ARHGEF1: variants seen among roughly 807,000 people sequenced by gnomAD.
ARHGEF1 encodes 115 kDa guanine nucleotide exchange factor.
A neutral mutation model predicts 119.7 loss-of-function variants in ARHGEF1; 40 were observed. The observed-to-expected ratio is 0.33, with a 90% CI of 0.26 to 0.44. The LOEUF (loss-of-function observed/expected upper bound fraction) is 0.44, where lower values mean the gene tolerates loss of function less well. ARHGEF1 is among the 20% of genes least tolerant of loss of function. The pLI is 1.00. For synonymous variants in ARHGEF1, 494 were observed against 521.0 expected, an observed-to-expected ratio of 0.95 and a Z score of 0.71; for missense variants, 976 against 1,268.3, an observed-to-expected ratio of 0.77 and a Z score of 3.50.
At chr19:41,924,828 C>T (rs1030618515) in intron 1 of ARHGEF1, among the ~76,000 whole-genome samples, 6 of 152,014 alleles carry the variant, frequency 3.9e-5, no homozygotes, top group East Asian at 3.9e-4. Flanking sequence ...GAAAGGGGAC[C>T]GGTGTTTCTG....
chr19:41,918,498 TCACACACACAC>T (rs1568834350), upstream of ARHGEF1, among the ~76,000 whole-genome samples: 2 of 101,922 alleles, frequency 2.0e-5, no homozygotes, highest in Non-Finnish European at 4.1e-5. Flanking sequence ...CACACACACA[TCACACACACAC>T]CACACACATC....
rs2074389151 is a variant in ARHGEF1 at position 41,892,286 on chromosome 19, A to G, written c.325-45A>G. Reference sequence around the variant, plus strand: ...TGGCAGTCCTCCCGGCCTGCATCTCAGCACACCAAGTCCTCCTCTTCACCC... The same window carrying G: ...TGGCAGTCCTCCCGGCCTGCATCTCGGCACACCAAGTCCTCCTCTTCACCC... On this transcript the variant is annotated intron_variant, in intron 5 of 28. Transcript: ENST00000354532. The surrounding 1 kb of genome is among the most constrained non-coding windows in gnomAD (Gnocchi z 6.3). 5 of 1,611,950 alleles carry G rather than the reference A, an allele frequency of 3.1e-6. No homozygotes were observed. The highest frequency in any genetic ancestry group is 1.3e-5 in the African/African-American group (1 of 75,002).
intron 11 of ARHGEF1, 137 bp downstream of exon 11, chr19:41,894,798 C>T (rs2074451368): frequency 9.7e-7 from 1 of 1,030,836 alleles, no homozygotes; most frequent in Non-Finnish European, 1.4e-6. Flanking sequence ...GGGGCCTGGA[C>T]ACCTGGGTCT....
intron 1 of ARHGEF1, chr19:41,928,267 G>A (rs1273533315): frequency 2.0e-5 from 3 of 152,522 alleles, no homozygotes; most frequent in Non-Finnish European, 4.4e-5. Flanking sequence ...CAAGGAGACA[G>A]AGACGGGGAG....
chr19:41,890,660 A>G (rs2074362646), intron 4 of ARHGEF1: 1 of 151,414 alleles, frequency 6.6e-6, no homozygotes, highest in African/African-American at 2.4e-5. Context: ...CACACCTGTA[A>G]TTCCAGCTAC....
At chr19:41,918,314 ACAC>A (rs1343485649), upstream of ARHGEF1, among the ~76,000 whole-genome samples, 3 of 151,470 alleles carry the variant, frequency 2.0e-5, no homozygotes, top group Non-Finnish European at 2.9e-5. Context: ...CTAGCCCCAC[ACAC>A]CACATACACA....
downstream of ARHGEF1, among the ~76,000 whole-genome samples, chr19:41,911,437 T>G (rs2145883258): frequency 6.6e-6 from 1 of 152,314 alleles, no homozygotes; most frequent in East Asian, 1.9e-4. Flanking sequence ...AGCATCGCCG[T>G]GTCCACTTGC....
At chr19:41,909,743 A>T, downstream of ARHGEF1, 3 of 1,143,716 alleles carry the variant, frequency 2.6e-6, no homozygotes, top group Admixed American at 2.8e-5. This position sits in a 1 kb window ranked among gnomAD's most constrained non-coding sequence, Gnocchi z 5.2. Context: ...GTGGCTACTC[A>T]CGCACAGCCC....
rs371390867 is a variant in ARHGEF1, at chr19:41,888,315, G to A, written c.111+37G>A. On this transcript the variant is annotated intron_variant, in intron 3 of 28. Coordinates refer to ENST00000354532, the MANE Select transcript of ARHGEF1 (RefSeq NM_004706.4). This position sits in a 1 kb window ranked among gnomAD's most constrained non-coding sequence, Gnocchi z 5.1. ...ATAGGGTGGAAAAGCTCTGTCCCAG[G>A]CTCAGTGTCCCGCCCCAGGTCCCCT... The A allele has an allele frequency of 1.9e-6, 3 of 1,603,240 alleles. No individual in the cohort carries two copies. The highest frequency in any genetic ancestry group is 2.6e-6 in the Non-Finnish European group (3 of 1,173,342).
chr19:41,892,807 G>A lies in ARHGEF1; in HGVS notation c.572G>A (p.Arg191Gln), dbSNP rs782282800. The change falls in exon 7 of 29, where the codon CGG becomes CAG. Residue 191 changes from arginine to glutamine, a missense_variant. Arg to Gln is a conservative substitution (Grantham distance 43, BLOSUM62 1). Coordinates refer to ENST00000354532, the MANE Select transcript of ARHGEF1 (RefSeq NM_004706.4). This position sits in a 1 kb window ranked among gnomAD's most constrained non-coding sequence, Gnocchi z 6.3. Reference protein sequence around the residue: ...RDRASYEARERHVAERLLMHL... With the variant: ...RDRASYEAREQHVAERLLMHL... Reference sequence around the variant, plus strand: ...CGAGCCAGCTACGAGGCCCGGGAGCGGCACGTGGCGGAGCGGCTGCTCATG... The same window carrying A: ...CGAGCCAGCTACGAGGCCCGGGAGCAGCACGTGGCGGAGCGGCTGCTCATG... 18 of 1,588,702 alleles carry A rather than the reference G, an allele frequency of 1.1e-5. 1 individual carries two copies. The highest frequency in any genetic ancestry group is 5.6e-5 in the South Asian group (5 of 90,078).
intron 1 of ARHGEF1, chr19:41,884,612 A>C: frequency 7.3e-7 from 1 of 1,362,434 alleles, no homozygotes; most frequent in Non-Finnish European, 1.0e-6. Context: ...AAGACCCGCC[A>C]CGTCCATGTA....
Position 41,884,268 on chromosome 19 carries a change from T to C in ARHGEF1, c.-20+979T>C. 4 of 710,238 alleles carry C rather than the reference T, an allele frequency of 5.6e-6. No homozygotes were observed. The East Asian group carries it at 1.1e-4, about 19-fold the overall frequency. The allele number at this position is 710,238 out of a possible 1,614,324, so 44.0% of individuals were successfully genotyped here. ...CCAGAGCGGCCCTATCTGGCCTGCG[T>C]GGCGCAGTACAGCGCTAGAGCGGCC... On this transcript the variant is annotated intron_variant, in intron 1 of 28. Coordinates refer to ENST00000354532, the MANE Select transcript of ARHGEF1 (RefSeq NM_004706.4).
rs537441393 is a variant in ARHGEF1, at chr19:41,892,556, CAAG to C, written c.368-46_368-44del. On this transcript the variant is annotated intron_variant, in intron 6 of 28. Coordinates refer to ENST00000354532, the MANE Select transcript of ARHGEF1 (RefSeq NM_004706.4). This position sits in a 1 kb window ranked among gnomAD's most constrained non-coding sequence, Gnocchi z 6.3. ...CCAAGGGTGGGTGGGGACCGTGGTC[CAAG>C]CCACCAGGGAGCTGGACCCTAGCCC... The C allele has an allele frequency of 4.2e-4, 663 of 1,565,334 alleles. 2 individuals are homozygous for C. In the African/African-American group the frequency reaches 7.6e-3, roughly 18 times the overall value.
chr19:41,918,297 G>A (rs2074814515), upstream of ARHGEF1, among the ~76,000 whole-genome samples: 1 of 147,668 alleles, frequency 6.8e-6, no homozygotes, highest in Non-Finnish European at 1.5e-5. Context: ...ATACACCACA[G>A]ACACACCTAG....
In ARHGEF1 at chr19:41,889,499, T is replaced by A. The variant is rs1325422837; in HGVS notation, c.225+634T>A. On this transcript the variant is annotated intron_variant, in intron 4 of 28. Transcript: ENST00000354532. This position sits in a 1 kb window ranked among gnomAD's most constrained non-coding sequence, Gnocchi z 4.0. ...CGCAGAGTCTAGAAAACCCAGCAGG[T>A]GATTTAGAAAGGGAGAGGCCACAGT... 5 of 151,956 alleles carry A rather than the reference T, an allele frequency of 3.3e-5. No individual in the cohort carries two copies. Among genetic ancestry groups the A allele is most frequent in the African/African-American group, 1.2e-4 (5 of 41,320 alleles). The allele number at this position is 151,956 out of a possible 1,614,324, so 9.4% of individuals were successfully genotyped here.
intron 2 of ARHGEF1, chr19:41,929,101 A>G (rs1037593157): frequency 4.6e-5 from 14 of 301,522 alleles, no homozygotes; most frequent in Non-Finnish European, 6.8e-5. Flanking sequence ...GGACCGTAAT[A>G]CAGGAAGTGG....
In ARHGEF1 at chr19:41,906,545, C is replaced by A; in HGVS notation, c.2580C>A (p.Gly860=). ...ATGGGGATGGGGTCCCAGGGGGCGG[C>A]CCCCTGAGCCCAGCACGGACCCAGG... ...PRDGDGVPGG[G]PLSPARTQEI... The change falls in exon 27 of 29, where the codon GGC becomes GGA. Residue 860 remains glycine, a synonymous_variant. Transcript: ENST00000354532. This position sits in a 1 kb window ranked among gnomAD's most constrained non-coding sequence, Gnocchi z 4.5. 1 of 1,583,298 alleles carries A rather than the reference C, an allele frequency of 6.3e-7. No individual in the cohort carries two copies. Among genetic ancestry groups the A allele is most frequent in the Non-Finnish European group, 8.5e-7 (1 of 1,172,238 alleles).
chr19:41,896,459 C>T lies in ARHGEF1; in HGVS notation c.1098C>T (p.Thr366=), dbSNP rs782740026. The change falls in exon 13 of 29, where the codon ACC becomes ACT. Residue 366 remains threonine (T), a synonymous_variant. Coordinates refer to ENST00000354532, the MANE Select transcript of ARHGEF1 (RefSeq NM_004706.4). ...SLESLAPPES[T]DEGAETESPE... Reference sequence around the variant, plus strand: ...AGTCCTTGGCGCCCCCAGAGAGTACCGACGAGGGGGCCGAAACCGAGAGGT... The same window carrying T: ...AGTCCTTGGCGCCCCCAGAGAGTACTGACGAGGGGGCCGAAACCGAGAGGT... 4.0e-5 allele frequency: 59 copies of T among 1,487,274 alleles called. No homozygotes were observed. Among genetic ancestry groups the T allele is most frequent in the South Asian group, 2.5e-4 (18 of 70,946 alleles). The allele number at this position is 1,487,274 out of a possible 1,614,324, so 92.1% of individuals were successfully genotyped here.
In ARHGEF1 at chr19:41,906,421, G is replaced by C; in HGVS notation, c.2492-36G>C. The C allele has an allele frequency of 6.6e-7, 1 of 1,522,692 alleles. No homozygotes were observed. Among genetic ancestry groups the C allele is most frequent in the Non-Finnish European group, 8.8e-7 (1 of 1,139,412 alleles). 94.3% of individuals were successfully genotyped at this position (1,522,692 alleles called of 1,614,324 possible). ...ATCCCAGATCCCAGCCCAGCCCCCT[G>C]GTCTCCTGACTCCACCCCTCCTTGC... is the stretch of plus-strand genomic sequence containing the variant. On this transcript the variant is annotated intron_variant, in intron 26 of 28. Transcript: ENST00000354532. The surrounding 1 kb of genome is among the most constrained non-coding windows in gnomAD (Gnocchi z 4.5).
Sources: gnomAD v4.1 joint callset for allele counts (sites outside exome capture counted in the v4.1 genomes callset) on GRCh38, gnomAD v4.1.1 for gene constraint, Gnocchi (gnomAD v3.1) non-coding constraint, MANE v1.5 for transcripts, NCBI Gene and HGNC (gene_info 2026-07-23, HGNC 2026-07-21) for gene names.